Variants in GRIA3 observed in about 807,000 individuals in gnomAD.
The protein encoded by GRIA3 is glutamate ionotropic receptor AMPA type subunit 3.
Under a neutral mutation model 63.0 loss-of-function variants are expected in GRIA3, and 3 were observed. That is an observed-to-expected ratio of 0.05 (90% confidence interval 0.02 to 0.12). The LOEUF is 0.12. GRIA3 is among the 10% of genes least tolerant of loss of function. GRIA3 has a pLI of 1.00. For synonymous variants in GRIA3, 274 were observed against 257.9 expected (o/e 1.06, Z -0.60); for missense variants, 347 against 700.9 (o/e 0.50, Z 5.70).
intron 5 of GRIA3, among the ~76,000 whole-genome samples, chrX:123,393,789 AAGGG>A (rs1163939515): frequency 4.5e-5 from 5 of 112,144 alleles, no homozygotes; most frequent in Admixed American, 9.5e-5. Context: ...GGTTCTAAAG[AAGGG>A]AGGAAGAATT....
intron 2 of GRIA3, among the ~76,000 whole-genome samples, chrX:123,199,053 G>C (rs1189856774): frequency 9.0e-6 from 1 of 111,271 alleles, no homozygotes; most frequent in African/African-American, 3.3e-5. Flanking sequence ...CGTTTGAGTG[G>C]ATGGATTTTT....
chrX:123,308,017 GT>G (rs1477026653), intron 3 of GRIA3, among the ~76,000 whole-genome samples: 1 of 111,409 alleles, frequency 9.0e-6, no homozygotes, highest in African/African-American at 3.3e-5. Context: ...TTTTCAGCAT[GT>G]TAACAGCTTT....
intron 13 of GRIA3, among the ~76,000 whole-genome samples, chrX:123,466,165 T>C (rs2045832693): frequency 8.9e-6 from 1 of 112,011 alleles, no homozygotes; most frequent in Non-Finnish European, 1.9e-5. Flanking sequence ...ATCCATCTAC[T>C]GAAAAATCAG....
chrX:123,200,608 TAC>T (rs200626306), intron 2 of GRIA3, among the ~76,000 whole-genome samples: 6,477 of 76,229 alleles, frequency 0.085, 340 homozygotes, highest in East Asian at 0.22. Flanking sequence ...CACACATACA[TAC>T]ACACACACAC....
At chrX:123,345,732 A>G (rs965995159) in intron 4 of GRIA3, among the ~76,000 whole-genome samples, 1 of 110,678 alleles carries the variant, frequency 9.0e-6, no homozygotes, top group Non-Finnish European at 1.9e-5. Flanking sequence ...AGTGGCCCCA[A>G]TACTCCTCTG....
intron 4 of GRIA3, among the ~76,000 whole-genome samples, chrX:123,354,629 C>T (rs2045121181): frequency 9.0e-6 from 1 of 111,633 alleles, no homozygotes; most frequent in Non-Finnish European, 1.9e-5. Context: ...GGATCTTCAG[C>T]TTCATCACTT....
intron 5 of GRIA3, among the ~76,000 whole-genome samples, chrX:123,356,928 T>C (rs1050418082): frequency 3.6e-5 from 4 of 111,610 alleles, no homozygotes; most frequent in African/African-American, 1.3e-4. Flanking sequence ...AAGATATTTA[T>C]TGGGAGTAAT....
chrX:123,419,813 G>A (rs766118971), intron 11 of GRIA3, among the ~76,000 whole-genome samples: 1 of 111,499 alleles, frequency 9.0e-6, no homozygotes, highest in Non-Finnish European at 1.9e-5. Context: ...AGGCCTGCCA[G>A]GATTAACTGC....
chrX:123,347,756 G>T (rs1455078377), intron 4 of GRIA3, among the ~76,000 whole-genome samples: 1 of 112,442 alleles, frequency 8.9e-6, no homozygotes, highest in African/African-American at 3.2e-5. Context: ...CGACTTCGAG[G>T]TTTATGTCTC....
chrX:123,348,538 G>A (rs752530982), intron 4 of GRIA3, among the ~76,000 whole-genome samples: 1 of 111,685 alleles, frequency 9.0e-6, no homozygotes, highest in African/African-American at 3.3e-5. Context: ...AGGGTGCCAT[G>A]AAAAGTCCTC....
intron 3 of GRIA3, among the ~76,000 whole-genome samples, chrX:123,289,279 C>A (rs2044641025): frequency 9.1e-6 from 1 of 109,568 alleles, no homozygotes; most frequent in African/African-American, 3.3e-5. Context: ...GGGTCTGGGG[C>A]ACTAGGGGAG....
chrX:123,451,992 T>C (rs1168101529), intron 12 of GRIA3, among the ~76,000 whole-genome samples: 1 of 111,813 alleles, frequency 8.9e-6, no homozygotes, highest in Non-Finnish European at 1.9e-5. Flanking sequence ...GGAGATAATA[T>C]TGGTTTCACA....
chrX:123,334,097 G>A (rs1289620136), intron 4 of GRIA3, among the ~76,000 whole-genome samples: 1 of 111,604 alleles, frequency 9.0e-6, no homozygotes, highest in Non-Finnish European at 1.9e-5. Flanking sequence ...CTACAGAATG[G>A]TGTCCCAAAA....
intron 3 of GRIA3, among the ~76,000 whole-genome samples, chrX:123,267,685 A>C (rs1182103974): frequency 8.9e-6 from 1 of 112,115 alleles, no homozygotes. Flanking sequence ...GTTCTCAGTT[A>C]TCTGAACCAG....
chrX:123,217,488 G>A (rs892888701), intron 2 of GRIA3, among the ~76,000 whole-genome samples: 3 of 111,561 alleles, frequency 2.7e-5, no homozygotes, highest in African/African-American at 3.3e-5. Context: ...AATGCCAGCC[G>A]ACCAGGCATT....
chrX:123,318,783 A>G (rs766792292), intron 3 of GRIA3, among the ~76,000 whole-genome samples: 1 of 112,107 alleles, frequency 8.9e-6, no homozygotes, highest in South Asian at 3.8e-4. Context: ...CCAGTTTGAA[A>G]GTCGCTTCCA....
At position 123,428,305 on chromosome X, in the gene GRIA3, G is replaced by A. The variant is rs766815049; in HGVS notation, c.2076+166G>A. Among the ~76,000 whole-genome samples, 16 of 110,818 alleles carry A rather than the reference G, an allele frequency of 1.4e-4. No individual in the cohort carries two copies. In the East Asian group the frequency reaches 2.6e-3, roughly 18 times the overall value. On this transcript the variant is annotated intron_variant, in intron 12 of 15. Transcript: ENST00000620443. The stretch of plus-strand genomic sequence containing the variant: ...TTGGTTGGTGATCTACTCCATTGTC[G>A]TTTAGAACCAAGACTTGAGTAAGAC...
intron 5 of GRIA3, among the ~76,000 whole-genome samples, chrX:123,383,861 G>A: frequency 9.1e-6 from 1 of 110,272 alleles, no homozygotes; most frequent in Non-Finnish European, 1.9e-5. Flanking sequence ...CCTCCTCTCA[G>A]CCTCCACCCT....
At position 123,279,206 on chromosome X, in the gene GRIA3, A is replaced by G. The variant is rs181732677; in HGVS notation, c.508+25664A>G. On this transcript the variant is annotated intron_variant, in intron 3 of 15. Transcript: ENST00000620443. ...AGAATAAAATGGTGGTTACCAGAGG[A>G]TAGGGTGGTTAGGAGTGGGAGTAGG... 1.6e-3 allele frequency among the ~76,000 whole-genome samples: 177 copies of G among 111,507 alleles called. 2 individuals are homozygous for G. In the South Asian group the frequency reaches 0.032, roughly 20 times the overall value.
Sources: gnomAD v4.1 joint callset for allele counts (sites outside exome capture counted in the v4.1 genomes callset) on GRCh38, gnomAD v4.1.1 for gene constraint, MANE v1.5 for transcripts, NCBI Gene and HGNC (gene_info 2026-07-23, HGNC 2026-07-21) for gene names.